CNNM2: variants seen among roughly 807,000 people sequenced by gnomAD.
The protein encoded by CNNM2 is cyclin and CBS domain divalent metal cation transport mediator 2, also known as metal transporter CNNM2.
In CNNM2, 12 loss-of-function variants were observed where a neutral mutation model predicts 66.9. The ratio of observed to expected loss-of-function variants is 0.18; its 90% CI spans 0.11 to 0.29. The LOEUF is 0.29. CNNM2 is among the 10% of genes least tolerant of loss of function. The pLI is 1.00. For missense variants in CNNM2, 705 were observed against 1,167.7 expected (o/e 0.60, Z 5.77); for synonymous variants, 557 against 501.8 (o/e 1.11, Z -1.47).
chr10:102,952,536 C>T (rs1315500914), intron 1 of CNNM2, among the ~76,000 whole-genome samples: 6 of 151,888 alleles, frequency 4.0e-5, no homozygotes, highest in Non-Finnish European at 8.8e-5. Flanking sequence ...TGCACTCCAG[C>T]CTGGGTGACA....
chr10:102,947,957 G>A (rs1846679030), intron 1 of CNNM2, among the ~76,000 whole-genome samples: 1 of 152,244 alleles, frequency 6.6e-6, no homozygotes, highest in East Asian at 1.9e-4. Flanking sequence ...GGAGGCTGGG[G>A]CAGGAGAATG....
At chr10:103,044,033 A>G (rs1365003095) in intron 1 of CNNM2, among the ~76,000 whole-genome samples, 6 of 152,220 alleles carry the variant, frequency 3.9e-5, no homozygotes, top group Non-Finnish European at 8.8e-5. Flanking sequence ...TATTTGATCT[A>G]TATGCAGTTT....
intron 5 of CNNM2, among the ~76,000 whole-genome samples, chr10:103,070,723 A>C (rs2065563874): frequency 6.6e-6 from 1 of 152,208 alleles, no homozygotes; most frequent in Non-Finnish European, 1.5e-5. Context: ...TGAGGTCAGG[A>C]GTTCAAGACC....
intron 1 of CNNM2, among the ~76,000 whole-genome samples, chr10:103,033,130 GAAAAGAAA>G (rs1171141874): frequency 6.7e-6 from 1 of 149,254 alleles, no homozygotes; most frequent in Non-Finnish European, 1.5e-5. Context: ...AAAAAAAAAA[GAAAAGAAA>G]AACAGAAAAA....
At chr10:103,051,616 TG>T (rs946418459) in intron 2 of CNNM2, among the ~76,000 whole-genome samples, 3 of 151,982 alleles carry the variant, frequency 2.0e-5, no homozygotes, top group Admixed American at 1.3e-4. Flanking sequence ...GGCACGCACC[TG>T]TGATCCCAGC....
chr10:102,996,954 C>T (rs1462497015), intron 1 of CNNM2, among the ~76,000 whole-genome samples: 1 of 152,194 alleles, frequency 6.6e-6, no homozygotes, highest in Admixed American at 6.5e-5. Flanking sequence ...CATTGTTTCT[C>T]CAAACTGGGC....
At chr10:102,967,094 A>G (rs2063475242) in intron 1 of CNNM2, among the ~76,000 whole-genome samples, 1 of 152,138 alleles carries the variant, frequency 6.6e-6, no homozygotes, top group South Asian at 2.1e-4. Flanking sequence ...TTACAGGTGC[A>G]TGCCAACATA....
chr10:103,076,237 G>C lies in CNNM2; in HGVS notation c.2385G>C (p.Ser795=). 1 of 1,570,032 alleles carries C rather than the reference G, an allele frequency of 6.4e-7. No individual in the cohort carries two copies. The highest frequency in any genetic ancestry group is 8.6e-7 in the Non-Finnish European group (1 of 1,157,320). The part of the protein sequence containing the change: ...SLLQVYIPDY[S]VRALSDLQFV... ...TCCAAGTCTACATCCCCGATTACTC[G>C]GTGCGAGCCCTTTCGGATCTGCAGT... Residue 795 remains serine (S), a synonymous_variant, in exon 7 of 8, where the codon TCG becomes TCC. Transcript: ENST00000369878.
At chr10:102,987,601 T>C (rs1164108836) in intron 1 of CNNM2, among the ~76,000 whole-genome samples, 1 of 151,998 alleles carries the variant, frequency 6.6e-6, no homozygotes, top group Admixed American at 6.6e-5. Context: ...GATTACAGGC[T>C]TGAGCCACTG....
intron 1 of CNNM2, among the ~76,000 whole-genome samples, chr10:102,968,491 C>T (rs1423529083): frequency 7.9e-5 from 12 of 152,112 alleles, no homozygotes; most frequent in Non-Finnish European, 1.3e-4. Flanking sequence ...GTGATCTGCC[C>T]GCCTTGGCCT....
intron 1 of CNNM2, among the ~76,000 whole-genome samples, chr10:103,031,671 A>G (rs1245982341): frequency 6.6e-6 from 1 of 152,204 alleles, no homozygotes; most frequent in Non-Finnish European, 1.5e-5. Flanking sequence ...TATGGAGTGC[A>G]GTCCCAGGAA....
chr10:103,056,969 G>A lies in CNNM2; in HGVS notation c.2073+5G>A. On this transcript the variant is annotated splice_donor_5th_base_variant and intron_variant, in intron 4 of 7. Coordinates refer to ENST00000369878, the MANE Select transcript of CNNM2 (RefSeq NM_017649.5). ...TACTTCGTTCTCATTCTGCAGGTCA[G>A]AAGAATTATTCAATAGTGGTTTGCT... 1 of 1,607,390 alleles carries A rather than the reference G, an allele frequency of 6.2e-7. No individual in the cohort carries two copies. Among genetic ancestry groups the A allele is most frequent in the African/African-American group, 1.3e-5 (1 of 74,608 alleles).
chr10:102,955,378 G>A (rs1441159781), intron 1 of CNNM2, among the ~76,000 whole-genome samples: 1 of 152,054 alleles, frequency 6.6e-6, no homozygotes, highest in Non-Finnish European at 1.5e-5. Context: ...TTAATTCAAG[G>A]TGGATTAAAG....
intron 1 of CNNM2, among the ~76,000 whole-genome samples, chr10:103,001,921 G>A (rs1012614051): frequency 1.3e-5 from 2 of 152,072 alleles, no homozygotes; most frequent in African/African-American, 4.8e-5. Flanking sequence ...CACTTGAATC[G>A]GGAGGCAGAG....
intron 1 of CNNM2, among the ~76,000 whole-genome samples, chr10:103,032,635 A>G (rs1193234197): frequency 6.7e-6 from 1 of 148,688 alleles, no homozygotes; most frequent in Non-Finnish European, 1.5e-5. Context: ...TTTTTAGAGT[A>G]GCCTTTCATA....
At chr10:102,993,725 G>A (rs1054005940) in intron 1 of CNNM2, among the ~76,000 whole-genome samples, 7 of 152,122 alleles carry the variant, frequency 4.6e-5, no homozygotes, top group Non-Finnish European at 8.8e-5. Context: ...GACCAAGGTA[G>A]TAAAAATTTA....
chr10:102,999,790 C>G (rs1468818485), intron 1 of CNNM2, among the ~76,000 whole-genome samples: 1 of 152,176 alleles, frequency 6.6e-6, no homozygotes, highest in Non-Finnish European at 1.5e-5. Flanking sequence ...TGTAAAGATT[C>G]TTATCACTAA....
chr10:103,009,613 C>T (rs922763124), intron 1 of CNNM2, among the ~76,000 whole-genome samples: 2 of 147,368 alleles, frequency 1.4e-5, no homozygotes, highest in African/African-American at 5.0e-5. Flanking sequence ...ATCGCTTGAG[C>T]CCAGGAGGTG....
At chr10:102,975,129 A>T (rs1329869165) in intron 1 of CNNM2, among the ~76,000 whole-genome samples, 2 of 152,198 alleles carry the variant, frequency 1.3e-5, no homozygotes, top group Non-Finnish European at 2.9e-5. Flanking sequence ...CTGTTTAATG[A>T]TGGAGTAGAA....
Sources: allele counts gnomAD v4.1 joint callset (sites outside exome capture counted in the v4.1 genomes callset), GRCh38; gene constraint gnomAD v4.1.1; transcripts MANE v1.5; gene names NCBI Gene and HGNC (gene_info 2026-07-23, HGNC 2026-07-21).